The following AP1B1 variants were observed in gnomAD, a reference collection of about 807,000 sequenced individuals.
AP1B1 encodes AP-1 complex subunit beta-1.
Under a neutral mutation model 104.3 loss-of-function variants are expected in AP1B1, and 36 were observed. The ratio of observed to expected loss-of-function variants is 0.35; its 90% CI spans 0.26 to 0.46. AP1B1 has a LOEUF of 0.46. Among genes scored for constraint, AP1B1 ranks in the 20% least tolerant of loss-of-function variants. AP1B1 has a pLI of 1.00. For synonymous variants in AP1B1, 504 were observed against 517.5 expected, an observed-to-expected ratio of 0.97 and a Z score of 0.35; for missense variants, 901 against 1,247.9, an observed-to-expected ratio of 0.72 and a Z score of 4.19.
intron 13 of AP1B1, 73 bp downstream of exon 13, chr22:29,341,428 G>C: frequency 6.4e-7 from 1 of 1,554,544 alleles, no homozygotes; most frequent in Non-Finnish European, 8.7e-7. Context: ...AACACGCCAG[G>C]CCTGAGTGCC....
intron 8 of AP1B1, 126 bp downstream of exon 8, chr22:29,351,579 G>T: frequency 7.6e-7 from 1 of 1,315,904 alleles, no homozygotes; most frequent in Non-Finnish European, 1.0e-6. Context: ...CATGTCCCAT[G>T]CTAAACACTC....
intron 17 of AP1B1, among the ~76,000 whole-genome samples, chr22:29,332,861 C>T (rs557516359): frequency 7.2e-5 from 11 of 152,334 alleles, no homozygotes; most frequent in Admixed American, 2.0e-4. Flanking sequence ...CACTACTGCT[C>T]GCTATGTGAG....
At chr22:29,363,158 A>G (rs1350285518) in intron 2 of AP1B1, 52 bp from the exon 3 acceptor site, 2 of 821,376 alleles carry the variant, frequency 2.4e-6, no homozygotes, top group Admixed American at 1.8e-5. Context: ...GGCAGGGGAC[A>G]ATTCCCAGTA....
At chr22:29,377,975 A>G (rs1273152174) in intron 1 of AP1B1, among the ~76,000 whole-genome samples, 1 of 152,102 alleles carries the variant, frequency 6.6e-6, no homozygotes, top group Non-Finnish European at 1.5e-5. Context: ...CTGCCCCCTA[A>G]TAAGGTCACA....
At chr22:29,342,835 A>T (rs893669479) in intron 11 of AP1B1, among the ~76,000 whole-genome samples, 4 of 152,188 alleles carry the variant, frequency 2.6e-5, no homozygotes, top group Non-Finnish European at 4.4e-5. Context: ...TGCTTCTACC[A>T]GAGGGTTGGA....
chr22:29,376,016 C>T lies in AP1B1; in HGVS notation c.-27-8746G>A, dbSNP rs529899629. Among the ~76,000 whole-genome samples, 13 of 152,324 alleles carry T rather than the reference C, an allele frequency of 8.5e-5. No homozygotes were observed. The South Asian group carries it at 2.5e-3, about 29-fold the overall frequency. ...CTATGATTCTCTGCTGGATGAGGGGCCCATTTCCCTACCAATGAGTGTTCT... is the reference window on the plus strand; with the variant it reads ...CTATGATTCTCTGCTGGATGAGGGGTCCATTTCCCTACCAATGAGTGTTCT... On this transcript the variant is annotated intron_variant, in intron 1 of 22. Coordinates refer to ENST00000357586, the MANE Select transcript of AP1B1 (RefSeq NM_001127.4).
intron 3 of AP1B1, among the ~76,000 whole-genome samples, chr22:29,361,108 G>C (rs1396768042): frequency 6.6e-6 from 1 of 152,258 alleles, no homozygotes; most frequent in Non-Finnish European, 1.5e-5. Flanking sequence ...TTTCTCCTCT[G>C]TGAGGAGGTG....
At chr22:29,387,377 G>A (rs978108829) in intron 1 of AP1B1, among the ~76,000 whole-genome samples, 1 of 146,912 alleles carries the variant, frequency 6.8e-6, no homozygotes, top group African/African-American at 2.5e-5. Flanking sequence ...GCACGATCTC[G>A]GCTCACTGCA....
chr22:29,331,257 C>T (rs1329711359), intron 19 of AP1B1, among the ~76,000 whole-genome samples, 192 bp downstream of exon 19: 1 of 152,258 alleles, frequency 6.6e-6, no homozygotes, highest in Admixed American at 6.5e-5. Context: ...CCTGCCAGAC[C>T]AGAACTGGCC....
At chr22:29,335,848 A>G (rs1313230282) in intron 16 of AP1B1, among the ~76,000 whole-genome samples, 1 of 152,182 alleles carries the variant, frequency 6.6e-6, no homozygotes, top group African/African-American at 2.4e-5. Context: ...CTGTGAGGAC[A>G]GAAAGCACCC....
intron 11 of AP1B1, among the ~76,000 whole-genome samples, chr22:29,346,824 G>A (rs574021350): frequency 1.3e-5 from 2 of 152,226 alleles, no homozygotes; most frequent in African/African-American, 4.8e-5. Flanking sequence ...AATTAGTACT[G>A]TGATTCTGAG....
At chr22:29,331,958 G>C in intron 17 of AP1B1, 42 bp from the exon 18 acceptor site, 1 of 1,575,884 alleles carries the variant, frequency 6.3e-7, no homozygotes, top group Non-Finnish European at 8.6e-7. Flanking sequence ...GGGGGAGTAG[G>C]TGCTGATGCG....
At chr22:29,341,082 C>T (rs11702983) in intron 13 of AP1B1, among the ~76,000 whole-genome samples, 2,166 of 152,360 alleles carry the variant, frequency 0.014, 22 homozygotes, top group Middle Eastern at 0.034. Flanking sequence ...CCGCCTGCTT[C>T]TAGCCCTCAG....
chr22:29,330,133 G>C (rs2147927534), intron 21 of AP1B1: 1 of 1,425,848 alleles, frequency 7.0e-7, no homozygotes, highest in East Asian at 2.6e-5. Flanking sequence ...CCACCTTACA[G>C]GGCCCAATTT....
At chr22:29,334,120 G>T in intron 17 of AP1B1, 145 bp downstream of exon 17, 4 of 913,770 alleles carry the variant, frequency 4.4e-6, no homozygotes, top group East Asian at 5.6e-5. Flanking sequence ...TGGCCTGAGC[G>T]GTGGTGGGGA....
intron 5 of AP1B1, 39 bp downstream of exon 5, chr22:29,358,684 CAGG>C (rs1170710245): frequency 6.3e-7 from 1 of 1,587,050 alleles, no homozygotes; most frequent in Non-Finnish European, 8.6e-7. Flanking sequence ...CCAAGCAACC[CAGG>C]AGGTGGTGGA....
intron 3 of AP1B1, among the ~76,000 whole-genome samples, chr22:29,360,789 C>T (rs1162916516): frequency 1.3e-5 from 2 of 152,210 alleles, no homozygotes; most frequent in Admixed American, 1.3e-4. Context: ...AGTCACAGGC[C>T]TTCTTAAGAT....
At chr22:29,330,101 CA>C in intron 21 of AP1B1, 1 of 1,416,292 alleles carries the variant, frequency 7.1e-7, no homozygotes, top group Non-Finnish European at 9.2e-7. Flanking sequence ...ACTTCCCAGT[CA>C]GGGGTGCCAA....
In AP1B1 at chr22:29,347,120, T is replaced by G. The variant is rs73403036; in HGVS notation, c.1437+2098A>C. ...CCTGGAACTGTTGATTCCTTACAGC[T>G]CCCACTGTTGGGAGCCTATCCATGG... On this transcript the variant is annotated intron_variant, in intron 11 of 22. Coordinates refer to ENST00000357586, the MANE Select transcript of AP1B1 (RefSeq NM_001127.4). Among the ~76,000 whole-genome samples, 510 of 152,188 alleles carry G rather than the reference T, an allele frequency of 3.4e-3. 3 individuals carry two copies. Among genetic ancestry groups the G allele is most frequent in the African/African-American group, 0.012 (480 of 41,512 alleles).
Sources: allele counts gnomAD v4.1 joint callset (sites outside exome capture counted in the v4.1 genomes callset), GRCh38; gene constraint gnomAD v4.1.1; transcripts MANE v1.5; gene names NCBI Gene and HGNC (gene_info 2026-07-23, HGNC 2026-07-21).